The following CCDC25 variants were observed in gnomAD, a reference collection of about 807,000 sequenced individuals.
CCDC25 encodes the protein coiled-coil domain containing 25.
CCDC25 carries 16 observed loss-of-function variants against 35.3 expected under a neutral mutation model. That is an observed-to-expected ratio of 0.45 (90% confidence interval 0.31 to 0.69). The LOEUF (loss-of-function observed/expected upper bound fraction) is 0.69. Ranked by LOEUF, CCDC25 falls within the 30% of genes least tolerant of loss-of-function variation. CCDC25 has a pLI of 0.06. For missense variants in CCDC25, 179 were observed against 250.7 expected, an observed-to-expected ratio of 0.71 and a Z score of 1.93; for synonymous variants, 79 against 80.3, an observed-to-expected ratio of 0.98 and a Z score of 0.09.
rs1803109791 is a variant in CCDC25, at chr8:27,733,617, A to C, written c.*2599T>G. The C allele has an allele frequency of 6.6e-6, 1 of 152,166 alleles. No individual in the cohort carries two copies. The highest frequency in any genetic ancestry group is 2.1e-4 in the South Asian group (1 of 4,834). 9.4% of individuals were successfully genotyped at this position (152,166 alleles called of 1,614,324 possible). A position where few individuals can be genotyped will look rare whatever the true frequency, so the allele number is the denominator to read the frequency against. Reference sequence around the variant, plus strand: ...TTAAGTTTCTAATTTTATACTTTTCATTGTGGTCTGGTCAGATTTTAGTCT... The same window carrying C: ...TTAAGTTTCTAATTTTATACTTTTCCTTGTGGTCTGGTCAGATTTTAGTCT... On this transcript the variant is annotated 3_prime_UTR_variant, in exon 9 of 9. Coordinates refer to ENST00000356537, the MANE Select transcript of CCDC25 (RefSeq NM_018246.3).
intron 7 of CCDC25, among the ~76,000 whole-genome samples, chr8:27,741,068 T>C (rs1803419628): frequency 6.6e-6 from 1 of 152,168 alleles, no homozygotes; most frequent in Admixed American, 6.5e-5. Context: ...TTGCTGAATA[T>C]CCAGCTAACT....
At chr8:27,747,399 T>G (rs559218895) in intron 7 of CCDC25, among the ~76,000 whole-genome samples, 6 of 152,224 alleles carry the variant, frequency 3.9e-5, no homozygotes, top group Non-Finnish European at 1.5e-5. Context: ...TCTCCCCTAG[T>G]GCCTCCAGAC....
intron 3 of CCDC25, among the ~76,000 whole-genome samples, chr8:27,760,851 C>T (rs1428788936): frequency 2.0e-5 from 3 of 152,150 alleles, no homozygotes; most frequent in Admixed American, 6.5e-5. Context: ...TCTGGCTGGG[C>T]GCGGTGGCTC....
At chr8:27,739,356 T>C (rs1232109492) in intron 8 of CCDC25, among the ~76,000 whole-genome samples, 1 of 152,202 alleles carries the variant, frequency 6.6e-6, no homozygotes, top group Non-Finnish European at 1.5e-5. Context: ...ATAAACAAGA[T>C]GTAAAATCCT....
At chr8:27,758,806 A>G (rs1804109336) in intron 3 of CCDC25, among the ~76,000 whole-genome samples, 1 of 152,212 alleles carries the variant, frequency 6.6e-6, no homozygotes, top group Admixed American at 6.5e-5. Context: ...AGAAATACCC[A>G]AATAATTCAA....
intron 6 of CCDC25, 43 bp from the exon 7 acceptor site, chr8:27,748,322 T>A: frequency 6.4e-7 from 1 of 1,571,806 alleles, no homozygotes; most frequent in South Asian, 1.1e-5. Context: ...CTTTTTGTTT[T>A]TTTTCTCCCA....
rs1803673205 is a variant in CCDC25 at position 27,748,247 on chromosome 8, A to G, written c.381T>C (p.Asn127=). ...TCTTTTCTAATCGGTTCAGGATCTC[A>G]TTTACTTTCTTCTCCACTGTCACAA... The part of the protein sequence containing the change: ...VKIVTVEKKV[N]EILNRLEKTK... The change falls in exon 7 of 9, where the codon AAT becomes AAC. Residue 127 remains asparagine, a synonymous_variant. Coordinates refer to ENST00000356537, the MANE Select transcript of CCDC25 (RefSeq NM_018246.3). 1 of 1,613,848 alleles carries G rather than the reference A, an allele frequency of 6.2e-7. No homozygotes were observed. Among genetic ancestry groups the G allele is most frequent in the Non-Finnish European group, 8.5e-7 (1 of 1,179,954 alleles).
intron 7 of CCDC25, chr8:27,747,852 T>G: frequency 1.8e-6 from 1 of 548,126 alleles, no homozygotes. Context: ...TTAGTTATTT[T>G]ATTTCATCCA....
intron 5 of CCDC25, among the ~76,000 whole-genome samples, chr8:27,748,815 G>C (rs1803695777): frequency 6.6e-6 from 1 of 152,166 alleles, no homozygotes; most frequent in Non-Finnish European, 1.5e-5. Flanking sequence ...ATGGCAAGTA[G>C]GAGTCCATGG....
rs13273652 is a variant in CCDC25, at chr8:27,737,583, T to A, written c.598-1338A>T. On this transcript the variant is annotated intron_variant, in intron 8 of 8. Transcript: ENST00000356537. This position sits in a 1 kb window ranked among gnomAD's most constrained non-coding sequence, Gnocchi z 4.6. ...AAAAATCAACTGATCACGTTCTAAA[T>A]TGGATCATAAAACATCTGTATCACT... Among the ~76,000 whole-genome samples, 1 of 151,956 alleles carries A rather than the reference T, an allele frequency of 6.6e-6. No individual in the cohort carries two copies. The highest frequency in any genetic ancestry group is 1.5e-5 in the Non-Finnish European group (1 of 67,976).
Position 27,740,453 on chromosome 8 carries a change from G to C in CCDC25, c.597+19C>G. 6.2e-7 allele frequency: 1 copy of C among 1,605,690 alleles called. No homozygotes were observed. The highest frequency in any genetic ancestry group is 2.2e-5 in the East Asian group (1 of 44,470). ...GAATTATTTCAAGGCAAACATTCAT[G>C]CAAACCACTTGAACATACCTGATTT... On this transcript the variant is annotated intron_variant, in intron 8 of 8. Transcript: ENST00000356537.
At chr8:27,768,868 G>C (rs1804492993) in intron 1 of CCDC25, among the ~76,000 whole-genome samples, 1 of 152,156 alleles carries the variant, frequency 6.6e-6, no homozygotes, top group Admixed American at 6.5e-5. Flanking sequence ...AGTGGACTTT[G>C]AGCCAAGTAT....
In CCDC25 at chr8:27,754,089, T is replaced by A. The variant is rs901315510; in HGVS notation, c.169-1502A>T. 2.0e-5 allele frequency among the ~76,000 whole-genome samples: 3 copies of A among 152,254 alleles called. No homozygotes were observed. In the South Asian group the frequency reaches 6.2e-4, roughly 32 times the overall value. On this transcript the variant is annotated intron_variant, in intron 4 of 8. Transcript: ENST00000356537. ...AAAAGCAGTTAGCAAACTATGTACA[T>A]CTTTTGACCCAGGAAATCCATTCCT... is the stretch of plus-strand genomic sequence containing the variant.
intron 3 of CCDC25, among the ~76,000 whole-genome samples, chr8:27,761,463 G>A (rs538797683): frequency 1.6e-4 from 25 of 152,306 alleles, no homozygotes; most frequent in Non-Finnish European, 3.2e-4. Context: ...TATTAATGGA[G>A]GTAAACACTT....
intron 7 of CCDC25, among the ~76,000 whole-genome samples, chr8:27,745,488 A>T (rs944490532): frequency 1.3e-5 from 2 of 152,252 alleles, no homozygotes; most frequent in Admixed American, 6.5e-5. Flanking sequence ...GTACAGTAAC[A>T]CAAAAAGCCA....
At chr8:27,766,861 CA>C (rs772918436) in intron 1 of CCDC25, among the ~76,000 whole-genome samples, 2 of 151,942 alleles carry the variant, frequency 1.3e-5, no homozygotes, top group East Asian at 3.9e-4. Flanking sequence ...AATATCCGAA[CA>C]GTATTTTTGT....
rs1563439184 is a variant in CCDC25, at chr8:27,736,184, TCTTTCAAAGGTC to T, written c.*20_*31del. ...GTCTGCAATTGTCTCTACATTCACA[TCTTTCAAAGGTC>T]CTTTTCTCCTTTTCTCCTTTTACAT... On this transcript the variant is annotated 3_prime_UTR_variant, in exon 9 of 9. Coordinates refer to ENST00000356537, the MANE Select transcript of CCDC25 (RefSeq NM_018246.3). 6.2e-6 allele frequency: 10 copies of T among 1,601,488 alleles called. No individual in the cohort carries two copies. The Admixed American group carries it at 6.9e-5, about 11-fold the overall frequency.
intron 7 of CCDC25, among the ~76,000 whole-genome samples, chr8:27,744,169 A>G (rs894744778): frequency 6.6e-6 from 1 of 152,214 alleles, no homozygotes; most frequent in African/African-American, 2.4e-5. Context: ...AATGATACTA[A>G]CACCCTAAAT....
chr8:27,750,780 A>G (rs1803772463), intron 5 of CCDC25, among the ~76,000 whole-genome samples: 1 of 152,230 alleles, frequency 6.6e-6, no homozygotes, highest in Non-Finnish European at 1.5e-5. Flanking sequence ...TGAACACAGA[A>G]CAGGCTGACC....
Sources: gnomAD v4.1 joint callset for allele counts (sites outside exome capture counted in the v4.1 genomes callset) on GRCh38, gnomAD v4.1.1 for gene constraint, Gnocchi (gnomAD v3.1) non-coding constraint, MANE v1.5 for transcripts, NCBI Gene and HGNC (gene_info 2026-07-23, HGNC 2026-07-21) for gene names.